Variants in PPP2R2B observed in about 807,000 individuals in gnomAD.
PPP2R2B encodes the protein serine/threonine-protein phosphatase 2A 55 kDa regulatory subunit B beta isoform.
A neutral mutation model predicts 46.0 loss-of-function variants in PPP2R2B; 5 were observed. The observed-to-expected ratio is 0.11, with a 90% CI of 0.06 to 0.23. PPP2R2B has a LOEUF of 0.23. Ranked by LOEUF, PPP2R2B falls within the 10% of genes least tolerant of loss-of-function variation. The pLI, the probability that PPP2R2B is intolerant of heterozygous loss-of-function variation, is 1.00. For synonymous variants in PPP2R2B, 215 were observed against 206.7 expected (o/e 1.04, Z -0.34); for missense variants, 367 against 575.0 (o/e 0.64, Z 3.70).
At chr5:147,032,526 G>A (rs894112215) in intron 1 of PPP2R2B, among the ~76,000 whole-genome samples, 2 of 151,032 alleles carry the variant, frequency 1.3e-5, no homozygotes, top group Admixed American at 6.6e-5. Context: ...TCTTTCCCCC[G>A]AGTCCCCAAA....
At chr5:146,982,340 C>T (rs1753215953) in intron 1 of PPP2R2B, among the ~76,000 whole-genome samples, 1 of 152,258 alleles carries the variant, frequency 6.6e-6, no homozygotes, top group East Asian at 1.9e-4. Flanking sequence ...ATGTGATTTA[C>T]TTCTCAAGTA....
chr5:146,682,115 A>G (rs1403357844), intron 5 of PPP2R2B, among the ~76,000 whole-genome samples: 2 of 152,194 alleles, frequency 1.3e-5, no homozygotes, highest in African/African-American at 4.8e-5. Flanking sequence ...ATTTACGTCT[A>G]TGTTGGATCT....
chr5:146,865,462 T>G (rs1465916136), intron 2 of PPP2R2B, among the ~76,000 whole-genome samples: 1 of 152,222 alleles, frequency 6.6e-6, no homozygotes, highest in Non-Finnish European at 1.5e-5. Flanking sequence ...ATGTACTTTA[T>G]TCTCTTAAAG....
At chr5:146,849,501 A>G (rs1432793238) in intron 2 of PPP2R2B, among the ~76,000 whole-genome samples, 1 of 152,234 alleles carries the variant, frequency 6.6e-6, no homozygotes, top group Non-Finnish European at 1.5e-5. Context: ...CATATAATGT[A>G]CATGTTGACT....
chr5:146,940,542 A>C (rs893832505), intron 1 of PPP2R2B, among the ~76,000 whole-genome samples: 1 of 151,822 alleles, frequency 6.6e-6, no homozygotes, highest in Non-Finnish European at 1.5e-5. Context: ...CTACTGCCCA[A>C]GGAGAACATA....
chr5:147,007,640 A>T (rs1033518406), intron 1 of PPP2R2B, among the ~76,000 whole-genome samples: 1 of 152,186 alleles, frequency 6.6e-6, no homozygotes, highest in African/African-American at 2.4e-5. Flanking sequence ...TTGGGTCTGC[A>T]CTACCTTTAT....
chr5:146,669,719 C>T (rs1777224578), intron 5 of PPP2R2B, among the ~76,000 whole-genome samples: 1 of 152,128 alleles, frequency 6.6e-6, no homozygotes, highest in Non-Finnish European at 1.5e-5. Context: ...TCACAAAAAT[C>T]CTGCATAGTT....
chr5:146,751,057 G>A (rs1400564706), intron 2 of PPP2R2B, among the ~76,000 whole-genome samples: 3 of 151,956 alleles, frequency 2.0e-5, no homozygotes, highest in African/African-American at 7.3e-5. Context: ...CCAAAGAAGT[G>A]GATTTACACA....
chr5:146,746,276 G>C (rs1161368219), intron 2 of PPP2R2B, among the ~76,000 whole-genome samples: 4 of 152,140 alleles, frequency 2.6e-5, no homozygotes, highest in Non-Finnish European at 5.9e-5. Context: ...CTTGGAGAGA[G>C]ATCCCAATCA....
intron 7 of PPP2R2B, among the ~76,000 whole-genome samples, chr5:146,636,411 T>C (rs932981647): frequency 7.9e-5 from 12 of 152,222 alleles, no homozygotes; most frequent in African/African-American, 2.4e-4. Context: ...TGGGTTAAAA[T>C]GTAAAATTCA....
intron 1 of PPP2R2B, among the ~76,000 whole-genome samples, chr5:147,011,953 T>A (rs1235792818): frequency 7.4e-6 from 1 of 135,616 alleles, no homozygotes; most frequent in African/African-American, 2.6e-5. Flanking sequence ...GGATAAGCTT[T>A]TTGATGTGCT....
At chr5:146,682,672 T>C (rs1170423713) in intron 5 of PPP2R2B, among the ~76,000 whole-genome samples, 1 of 152,196 alleles carries the variant, frequency 6.6e-6, no homozygotes, top group Non-Finnish European at 1.5e-5. Context: ...ACATAATACA[T>C]ACTTAATAAA....
At chr5:147,054,701 T>A in intron 1 of PPP2R2B, 1 of 456,188 alleles carries the variant, frequency 2.2e-6, no homozygotes, top group South Asian at 1.5e-5. Flanking sequence ...AACAGGCTGG[T>A]CGCCAGCTCA....
At chr5:146,807,776 CTTTTTTTTTTTTTTTTTTTTTTT>C (rs10583721) in intron 2 of PPP2R2B, among the ~76,000 whole-genome samples, 83 of 36,934 alleles carry the variant, frequency 2.2e-3, no homozygotes, top group African/African-American at 6.1e-3. Flanking sequence ...GGGGTGCCTT[CTTTTTTTTTTTTTTTTTTTTTTT>C]TTTTTTTTTT....
intron 1 of PPP2R2B, among the ~76,000 whole-genome samples, chr5:147,004,906 C>T (rs900016448): frequency 6.6e-6 from 1 of 152,144 alleles, no homozygotes; most frequent in Admixed American, 6.5e-5. Flanking sequence ...GCTGGCCTCA[C>T]TGTTTATGGG....
intron 2 of PPP2R2B, among the ~76,000 whole-genome samples, chr5:146,861,054 C>CTTTTT (rs1211197915): frequency 3.9e-5 from 4 of 101,718 alleles, no homozygotes; most frequent in Non-Finnish European, 7.8e-5. Context: ...TGAATTTTTT[C>CTTTTT]TTTTTTTTTT....
chr5:147,056,163 C>G (rs992161471), upstream of PPP2R2B: 3 of 995,224 alleles, frequency 3.0e-6, no homozygotes, highest in Non-Finnish European at 3.6e-6. Context: ...AAGTGACCAT[C>G]TCTTATTTAG....
At chr5:147,032,353 C>A (rs138301755) in intron 1 of PPP2R2B, among the ~76,000 whole-genome samples, 104 of 152,222 alleles carry the variant, frequency 6.8e-4, no homozygotes, top group African/African-American at 2.4e-3. Context: ...TGTGATACCA[C>A]CTTACTCCTG....
chr5:146,765,460 C>T (rs916721733), intron 2 of PPP2R2B, among the ~76,000 whole-genome samples: 2 of 152,110 alleles, frequency 1.3e-5, no homozygotes. Flanking sequence ...AAGAACAGTG[C>T]CCAGAACATG....
Sources: allele counts gnomAD v4.1 joint callset (sites outside exome capture counted in the v4.1 genomes callset), GRCh38; gene constraint gnomAD v4.1.1; transcripts MANE v1.5; gene names NCBI Gene and HGNC (gene_info 2026-07-23, HGNC 2026-07-21).